The following FREM1 variants were observed in gnomAD, a reference collection of about 807,000 sequenced individuals.
FREM1 encodes the protein FRAS1 related extracellular matrix 1.
FREM1 carries 220 observed loss-of-function variants against 210.1 expected under a neutral mutation model. That is an observed-to-expected ratio of 1.05 (90% confidence interval 0.94 to 1.17). The LOEUF (loss-of-function observed/expected upper bound fraction) is 1.17, where lower values mean the gene tolerates loss of function less well. FREM1 is among the 50% of genes most tolerant of loss of function. The pLI is 0.00. For missense variants in FREM1, 3,454 were observed against 2,675.5 expected, an observed-to-expected ratio of 1.29 and a Z score of -6.42; for synonymous variants, 1,189 against 980.2, an observed-to-expected ratio of 1.21 and a Z score of -3.98.
chr9:14,747,006 C>T lies in FREM1; in HGVS notation c.6055G>A (p.Gly2019Arg), dbSNP rs1471473313. 1 of 1,613,064 alleles carries T rather than the reference C, an allele frequency of 6.2e-7. No individual in the cohort carries two copies. Among genetic ancestry groups the T allele is most frequent in the Non-Finnish European group, 8.5e-7 (1 of 1,179,532 alleles). Reference protein sequence around the residue: ...FPKNCTLELKGLFHFEEGIQK... With the variant: ...FPKNCTLELKRLFHFEEGIQK... The stretch of plus-strand genomic sequence containing the variant: ...ATGCCTTCTTCAAAATGGAAGAGTC[C>T]CTTTAATTCCAGAGTGCAGTTCTTT... The change falls in exon 34 of 37, where the codon GGA becomes AGA. Residue 2019 changes from glycine to arginine, a missense_variant. Physicochemically the swap from Gly to Arg is moderately radical, Grantham distance 125 (BLOSUM62 -2). Transcript: ENST00000380880.
At chr9:14,838,681 G>A (rs1825076034) in intron 10 of FREM1, among the ~76,000 whole-genome samples, 1 of 152,156 alleles carries the variant, frequency 6.6e-6, no homozygotes, top group Admixed American at 6.5e-5. Flanking sequence ...TTCATTTGGT[G>A]ATCAATAAGC....
At chr9:14,800,397 T>C (rs1242320590) in intron 20 of FREM1, among the ~76,000 whole-genome samples, 1 of 152,190 alleles carries the variant, frequency 6.6e-6, no homozygotes, top group Admixed American at 6.5e-5. Context: ...TTCTCAGATT[T>C]TTAAAAGTAT....
chr9:14,901,065 A>G (rs1838701687), intron 1 of FREM1, among the ~76,000 whole-genome samples: 1 of 152,252 alleles, frequency 6.6e-6, no homozygotes, highest in Non-Finnish European at 1.5e-5. Flanking sequence ...GCGACTCTTT[A>G]AAGACAAAGA....
intron 25 of FREM1, among the ~76,000 whole-genome samples, chr9:14,771,485 C>A (rs1202363032): frequency 6.6e-6 from 1 of 152,154 alleles, no homozygotes; most frequent in Non-Finnish European, 1.5e-5. Context: ...TCTTCACAAC[C>A]TACACTGTAG....
At chr9:14,767,035 G>T (rs67979854) in intron 27 of FREM1, among the ~76,000 whole-genome samples, 34,410 of 152,022 alleles carry the variant, frequency 0.23, 4,447 homozygotes, top group East Asian at 0.37. Flanking sequence ...TTTCATATAC[G>T]TTACACATTT....
chr9:14,775,707 CAAAAAAA>C lies in FREM1; in HGVS notation c.4857+75_4857+81del, dbSNP rs35187926. On this transcript the variant is annotated intron_variant, in intron 25 of 36. Coordinates refer to ENST00000380880, the MANE Select transcript of FREM1 (RefSeq NM_001379081.2). ...TGGGTGACAGAGAGAGACTCCCTCT[CAAAAAAA>C]AAAAAAAAAAAAAAAAATTCTCGAT... 1.3e-4 allele frequency: 50 copies of C among 375,224 alleles called. No individual in the cohort carries two copies. In the African/African-American group the frequency reaches 1.6e-3, roughly 12 times the overall value. 23.2% of individuals were successfully genotyped at this position (375,224 alleles called of 1,614,324 possible).
chr9:14,816,475 T>G (rs1312882928), intron 15 of FREM1, among the ~76,000 whole-genome samples: 1 of 152,084 alleles, frequency 6.6e-6, no homozygotes, highest in Non-Finnish European at 1.5e-5. Context: ...TGCAACAGTG[T>G]TGGGAGGTGG....
intron 25 of FREM1, among the ~76,000 whole-genome samples, chr9:14,771,426 G>A (rs1847553937): frequency 6.6e-6 from 1 of 152,184 alleles, no homozygotes; most frequent in South Asian, 2.1e-4. Flanking sequence ...GAAGATGAGA[G>A]CCAGGTAGCT....
chr9:14,882,912 C>CAAAAAAAAAAAAAAAAAAAAAAAAAAAA lies in FREM1; in HGVS notation c.-267-13669_-267-13668insTTTTTTTTTTTTTTTTTTTTTTTTTTTT, dbSNP rs71323913. Among the ~76,000 whole-genome samples, 2 of 45,416 alleles carry CAAAAAAAAAAAAAAAAAAAAAAAAAAAA rather than the reference C, an allele frequency of 4.4e-5. 1 individual carries two copies. The highest frequency in any genetic ancestry group is 1.9e-4 in the African/African-American group (2 of 10,778). 29.8% of individuals were successfully genotyped at this position (45,416 alleles called of 152,430 possible). ...AGGGCAGCAGAGCGAGACTCCATCT[C>CAAAAAAAAAAAAAAAAAAAAAAAAAAAA]AAAAAAAAAAAAAAAAGGAATCACC... On this transcript the variant is annotated intron_variant, in intron 1 of 36. Coordinates refer to ENST00000380880, the MANE Select transcript of FREM1 (RefSeq NM_001379081.2).
chr9:14,821,920 C>A (rs950207271), intron 13 of FREM1, among the ~76,000 whole-genome samples: 2 of 152,178 alleles, frequency 1.3e-5, no homozygotes, highest in African/African-American at 4.8e-5. Flanking sequence ...GACCTCTTCA[C>A]GTGGTTTGGC....
chr9:14,825,840 G>A (rs1400462073), intron 10 of FREM1, among the ~76,000 whole-genome samples: 1 of 151,844 alleles, frequency 6.6e-6, no homozygotes, highest in Non-Finnish European at 1.5e-5. Flanking sequence ...ACGCCCAAGT[G>A]TCATTCCCAT....
At chr9:14,760,780 C>T (rs1012291500) in intron 27 of FREM1, among the ~76,000 whole-genome samples, 6 of 152,156 alleles carry the variant, frequency 3.9e-5, no homozygotes, top group African/African-American at 9.7e-5. Context: ...AAGTTCTTTG[C>T]GACTCTTTTG....
At chr9:14,897,060 G>T (rs1386111690) in intron 1 of FREM1, among the ~76,000 whole-genome samples, 4 of 152,102 alleles carry the variant, frequency 2.6e-5, no homozygotes, top group African/African-American at 9.7e-5. Flanking sequence ...TATGGTAAAT[G>T]ACAAAAAGTG....
intron 10 of FREM1, among the ~76,000 whole-genome samples, chr9:14,835,862 A>G (rs978615079): frequency 4.6e-5 from 7 of 152,246 alleles, no homozygotes; most frequent in Admixed American, 3.9e-4. Flanking sequence ...TCCAAAACTT[A>G]TCATACATTT....
At chr9:14,825,444 C>T (rs545282991) in intron 10 of FREM1, among the ~76,000 whole-genome samples, 19 of 145,370 alleles carry the variant, frequency 1.3e-4, no homozygotes, top group African/African-American at 2.8e-4. Context: ...GCTGAGATCA[C>T]GCCATTGCAC....
At chr9:14,816,547 T>G (rs992896984) in intron 15 of FREM1, among the ~76,000 whole-genome samples, 1 of 152,126 alleles carries the variant, frequency 6.6e-6, no homozygotes, top group African/African-American at 2.4e-5. Context: ...CATAAAAGGC[T>G]CATAGCTCAG....
At chr9:14,770,922 C>T (rs978076058) in intron 25 of FREM1, 116 bp from the exon 26 acceptor site, 9 of 683,972 alleles carry the variant, frequency 1.3e-5, no homozygotes, top group Non-Finnish European at 2.3e-5. Flanking sequence ...TCCTTATACT[C>T]CTCACTAGTG....
intron 28 of FREM1, 25 bp downstream of exon 28, chr9:14,759,747 A>G: frequency 1.3e-6 from 2 of 1,545,314 alleles, no homozygotes; most frequent in South Asian, 1.3e-5. Flanking sequence ...TTTTAGCTTG[A>G]TAATTTACAT....
At chr9:14,877,649 A>G (rs528062755) in intron 1 of FREM1, among the ~76,000 whole-genome samples, 14 of 152,232 alleles carry the variant, frequency 9.2e-5, no homozygotes, top group African/African-American at 3.1e-4. Flanking sequence ...CTCCTGCTGA[A>G]CATGAAGAAG....
Sources: allele counts gnomAD v4.1 joint callset (sites outside exome capture counted in the v4.1 genomes callset), GRCh38; gene constraint gnomAD v4.1.1; transcripts MANE v1.5; gene names NCBI Gene and HGNC (gene_info 2026-07-23, HGNC 2026-07-21).